The following OPCML variants were observed in gnomAD, a reference collection of about 807,000 sequenced individuals.
OPCML encodes the protein opioid-binding protein/cell adhesion molecule.
A neutral mutation model predicts 37.8 loss-of-function variants in OPCML; 13 were observed. That is an observed-to-expected ratio of 0.34 (90% CI 0.22 to 0.55). OPCML has a LOEUF of 0.55. Among genes scored for constraint, OPCML ranks in the 20% least tolerant of loss-of-function variants. The pLI, the probability that OPCML is intolerant of heterozygous loss-of-function variation, is 0.91. For synonymous variants in OPCML, 176 were observed against 168.8 expected, an observed-to-expected ratio of 1.04 and a Z score of -0.33; for missense variants, 341 against 435.6, an observed-to-expected ratio of 0.78 and a Z score of 1.93.
At chr11:133,046,035 C>T (rs1165736542) in intron 1 of OPCML, among the ~76,000 whole-genome samples, 8 of 152,176 alleles carry the variant, frequency 5.3e-5, no homozygotes. Context: ...TGTTCTCTGC[C>T]CTCATGAGTT....
intron 7 of OPCML, among the ~76,000 whole-genome samples, chr11:132,422,010 A>T (rs1048842882): frequency 2.0e-5 from 3 of 152,150 alleles, no homozygotes; most frequent in African/African-American, 7.2e-5. Flanking sequence ...GGGCAGATTC[A>T]TAAGGCCCAT....
intron 1 of OPCML, among the ~76,000 whole-genome samples, chr11:133,091,919 A>G (rs1948912977): frequency 6.6e-6 from 1 of 152,118 alleles, no homozygotes. Flanking sequence ...TGAGGACATG[A>G]ATTTGGAGGC....
intron 1 of OPCML, among the ~76,000 whole-genome samples, chr11:133,504,023 G>A (rs1208518266): frequency 1.3e-5 from 2 of 151,728 alleles, no homozygotes; most frequent in Non-Finnish European, 2.9e-5. Context: ...TCCTGAGGAA[G>A]ACTCTACTAG....
intron 1 of OPCML, among the ~76,000 whole-genome samples, chr11:133,354,494 A>G (rs1027472433): frequency 5.3e-5 from 8 of 152,164 alleles, no homozygotes; most frequent in Non-Finnish European, 8.8e-5. Flanking sequence ...GAAATTCTGT[A>G]ACTTGCTTAA....
At chr11:132,855,055 T>A (rs1455115451) in intron 2 of OPCML, among the ~76,000 whole-genome samples, 1 of 152,192 alleles carries the variant, frequency 6.6e-6, no homozygotes, top group Non-Finnish European at 1.5e-5. Flanking sequence ...GAGATTAGGA[T>A]TATGGGAGGG....
chr11:133,492,293 C>T (rs4429071), intron 1 of OPCML, among the ~76,000 whole-genome samples: 2 of 152,178 alleles, frequency 1.3e-5, no homozygotes, highest in Non-Finnish European at 2.9e-5. Context: ...ATTTCACAAA[C>T]ATGTGTTTCC....
chr11:132,903,578 C>G (rs1326590801), intron 2 of OPCML, among the ~76,000 whole-genome samples: 1 of 152,082 alleles, frequency 6.6e-6, no homozygotes, highest in African/African-American at 2.4e-5. Context: ...GGAATTCAGG[C>G]CCAGCTCAGG....
chr11:132,841,667 C>G (rs1018249170), intron 2 of OPCML, among the ~76,000 whole-genome samples: 4 of 151,818 alleles, frequency 2.6e-5, no homozygotes, highest in Admixed American at 6.6e-5. Flanking sequence ...TCGAGACCAG[C>G]CTGGCCAACA....
chr11:132,762,886 C>T (rs1048171353), intron 2 of OPCML, among the ~76,000 whole-genome samples: 6 of 152,224 alleles, frequency 3.9e-5, no homozygotes, highest in African/African-American at 9.6e-5. Flanking sequence ...GCAGCTAGCT[C>T]GGTGCCTGCC....
intron 1 of OPCML, among the ~76,000 whole-genome samples, chr11:133,325,533 T>C (rs1252047062): frequency 1.3e-5 from 2 of 152,238 alleles, no homozygotes; most frequent in Non-Finnish European, 2.9e-5. Context: ...TATATATATA[T>C]GTTTGTGCAT....
intron 1 of OPCML, among the ~76,000 whole-genome samples, chr11:133,234,203 A>G (rs1024467814): frequency 6.6e-6 from 1 of 152,028 alleles, no homozygotes; most frequent in Non-Finnish European, 1.5e-5. Context: ...CATTTTTAAA[A>G]TTTTGTTTTG....
At chr11:132,510,505 G>A (rs11827175) in intron 4 of OPCML, among the ~76,000 whole-genome samples, 9,387 of 152,112 alleles carry the variant, frequency 0.062, 373 homozygotes, top group Middle Eastern at 0.11. Context: ...CGTATGTTCT[G>A]GGAAAGACCC....
At chr11:133,001,184 A>T (rs1026795785) in intron 1 of OPCML, among the ~76,000 whole-genome samples, 4 of 152,158 alleles carry the variant, frequency 2.6e-5, no homozygotes, top group African/African-American at 9.7e-5. Context: ...AGGGGTCTTT[A>T]AAAAGAAACA....
chr11:132,731,929 A>G (rs1019095470), intron 2 of OPCML, among the ~76,000 whole-genome samples: 3 of 152,198 alleles, frequency 2.0e-5, no homozygotes, highest in African/African-American at 7.2e-5. Flanking sequence ...GTGAGGTTGG[A>G]AAAAATTACA....
chr11:133,024,248 G>T, intron 1 of OPCML: 2 of 630,322 alleles, frequency 3.2e-6, no homozygotes, highest in Non-Finnish European at 4.0e-6. Flanking sequence ...GTGGGGGGCT[G>T]GGGTGAGAAG....
intron 1 of OPCML, among the ~76,000 whole-genome samples, chr11:133,070,985 A>G (rs1470545089): frequency 6.6e-6 from 1 of 152,224 alleles, no homozygotes; most frequent in Non-Finnish European, 1.5e-5. Context: ...CCAGCCACTG[A>G]GATGACTCTG....
intron 1 of OPCML, among the ~76,000 whole-genome samples, chr11:133,416,691 T>C (rs1945774684): frequency 6.6e-6 from 1 of 152,232 alleles, no homozygotes; most frequent in Non-Finnish European, 1.5e-5. Context: ...TCACCCACTG[T>C]AGTAGAACAT....
intron 1 of OPCML, among the ~76,000 whole-genome samples, chr11:133,471,400 T>G (rs1947111497): frequency 1.3e-5 from 2 of 152,184 alleles, no homozygotes; most frequent in African/African-American, 2.4e-5. Context: ...GAGCTGAGTG[T>G]ATTGTATGCT....
intron 2 of OPCML, among the ~76,000 whole-genome samples, chr11:132,794,978 A>C (rs184360889): frequency 6.6e-5 from 10 of 152,204 alleles, no homozygotes; most frequent in Admixed American, 6.5e-4. Context: ...TGGTCCCATA[A>C]ATGTATAGAA....
Sources: allele counts gnomAD v4.1 joint callset (sites outside exome capture counted in the v4.1 genomes callset), GRCh38; gene constraint gnomAD v4.1.1; transcripts MANE v1.5; gene names NCBI Gene and HGNC (gene_info 2026-07-23, HGNC 2026-07-21).